Variants in ENOX2 observed in about 807,000 individuals in gnomAD.
ENOX2 encodes APK1 antigen.
Under a neutral mutation model 45.0 loss-of-function variants are expected in ENOX2, and 36 were observed. The observed-to-expected ratio is 0.80, with a 90% CI of 0.61 to 1.06. The LOEUF is 1.06. Ranked by LOEUF, ENOX2 falls within the 50% of genes least tolerant of loss-of-function variation. The probability of loss-of-function intolerance (pLI) is 0.00; values close to 1 mark genes in which losing one functional copy is unlikely to be tolerated. For missense variants in ENOX2, 423 were observed against 462.5 expected, an observed-to-expected ratio of 0.91 and a Z score of 0.78; for synonymous variants, 174 against 152.3, an observed-to-expected ratio of 1.14 and a Z score of -1.05.
chrX:130,848,221 A>C (rs1297071173), intron 2 of ENOX2, among the ~76,000 whole-genome samples: 1 of 111,551 alleles, frequency 9.0e-6, no homozygotes, highest in Non-Finnish European at 1.9e-5. Flanking sequence ...TCATTAAATA[A>C]AGATGAACAC....
chrX:130,810,442 C>T (rs1212587469), intron 2 of ENOX2, among the ~76,000 whole-genome samples: 2 of 111,606 alleles, frequency 1.8e-5, no homozygotes, highest in South Asian at 3.8e-4. Context: ...ACCAGGTCAG[C>T]CCCCACAGTC....
intron 2 of ENOX2, among the ~76,000 whole-genome samples, chrX:130,863,840 A>T (rs2078447609): frequency 1.8e-5 from 2 of 112,018 alleles, no homozygotes; most frequent in East Asian, 2.8e-4. Context: ...TTCTGTCTTC[A>T]AATATGCACT....
At chrX:130,705,382 T>G (rs1202950385) in intron 3 of ENOX2, among the ~76,000 whole-genome samples, 2 of 111,779 alleles carry the variant, frequency 1.8e-5, no homozygotes, top group Admixed American at 9.5e-5. Flanking sequence ...GGGATAAGTG[T>G]TTGGGGGAAG....
chrX:130,741,886 T>C (rs1177709144), intron 3 of ENOX2, among the ~76,000 whole-genome samples: 1 of 112,054 alleles, frequency 8.9e-6, no homozygotes, highest in African/African-American at 3.2e-5. Flanking sequence ...AAAACTGCCC[T>C]GTTAACTCTG....
chrX:130,782,576 A>G (rs1020224262), intron 3 of ENOX2, among the ~76,000 whole-genome samples: 1 of 112,246 alleles, frequency 8.9e-6, no homozygotes, highest in African/African-American at 3.2e-5. Flanking sequence ...ATTTATAAGC[A>G]GAGATCTATG....
In ENOX2 at chrX:130,623,724, G is replaced by A. The variant is rs1455742778; in HGVS notation, c.*1590C>T. On this transcript the variant is annotated 3_prime_UTR_variant, in exon 15 of 15. Coordinates refer to ENST00000394363, the MANE Select transcript of ENOX2 (RefSeq NM_006375.4). The stretch of plus-strand genomic sequence containing the variant: ...TGAGCTTCCTGCTGGTGCCACAGCA[G>A]GGTGCTTCAGGGGGAAGCCAGTTTT... 1 of 111,340 alleles carries A rather than the reference G, an allele frequency of 9.0e-6. No individual in the cohort carries two copies. Among genetic ancestry groups the A allele is most frequent in the African/African-American group, 3.3e-5 (1 of 30,592 alleles). The allele number at this position is 111,340 out of a possible 1,213,427, so 9.2% of individuals were successfully genotyped here.
chrX:130,806,972 C>T (rs1263548300), intron 2 of ENOX2, among the ~76,000 whole-genome samples: 1 of 112,015 alleles, frequency 8.9e-6, no homozygotes, highest in African/African-American at 3.2e-5. Flanking sequence ...TAGTACAGTG[C>T]CTAACACATA....
chrX:130,836,796 T>G (rs1243332143), intron 2 of ENOX2, among the ~76,000 whole-genome samples: 1 of 112,026 alleles, frequency 8.9e-6, no homozygotes, highest in African/African-American at 3.2e-5. Flanking sequence ...TATTTTATTT[T>G]ATAAAGGTAG....
At chrX:130,812,568 C>T (rs2077407868) in intron 2 of ENOX2, among the ~76,000 whole-genome samples, 1 of 111,671 alleles carries the variant, frequency 9.0e-6, no homozygotes, top group African/African-American at 3.3e-5. Context: ...AACGGATCTG[C>T]AAAACAACCA....
chrX:130,774,554 C>T (rs146606705), intron 3 of ENOX2, among the ~76,000 whole-genome samples: 10 of 111,932 alleles, frequency 8.9e-5, no homozygotes, highest in African/African-American at 3.2e-4. Context: ...GTAGGTGTTC[C>T]ATAGGTATTA....
At chrX:130,851,599 T>G (rs183262084) in intron 2 of ENOX2, among the ~76,000 whole-genome samples, 29 of 111,093 alleles carry the variant, frequency 2.6e-4, no homozygotes, top group African/African-American at 9.2e-4. Context: ...ATGAGAAACA[T>G]CTTATCCCTT....
At chrX:130,697,914 A>C (rs762603355) in intron 4 of ENOX2, among the ~76,000 whole-genome samples, 1 of 111,836 alleles carries the variant, frequency 8.9e-6, no homozygotes, top group East Asian at 2.8e-4. Flanking sequence ...AATAGTTTAA[A>C]ATGTTTCCAA....
At chrX:130,817,571 C>T (rs997455151) in intron 2 of ENOX2, among the ~76,000 whole-genome samples, 2 of 111,991 alleles carry the variant, frequency 1.8e-5, no homozygotes, top group African/African-American at 6.5e-5. Flanking sequence ...TTACCTACCA[C>T]GATCAAGTTG....
chrX:130,691,816 C>CTTGTTT (rs1466713972), intron 4 of ENOX2, among the ~76,000 whole-genome samples: 25 of 112,622 alleles, frequency 2.2e-4, no homozygotes, highest in Middle Eastern at 4.6e-3. Flanking sequence ...AGTTCTGCCA[C>CTTGTTT]TTTGGCTGAG....
At chrX:130,672,855 G>T (rs1260988044) in intron 6 of ENOX2, among the ~76,000 whole-genome samples, 1 of 111,752 alleles carries the variant, frequency 8.9e-6, no homozygotes, top group African/African-American at 3.3e-5. Context: ...CCTGTCAGGG[G>T]TGCTGCCTGT....
intron 3 of ENOX2, among the ~76,000 whole-genome samples, chrX:130,711,206 G>A (rs909455478): frequency 2.5e-4 from 28 of 111,845 alleles, no homozygotes; most frequent in Admixed American, 8.5e-4. Context: ...TATCTTTTGC[G>A]TAGTATTTAT....
intron 3 of ENOX2, among the ~76,000 whole-genome samples, 172 bp downstream of exon 3, chrX:130,783,375 T>C (rs1377393484): frequency 8.9e-6 from 1 of 111,809 alleles, no homozygotes; most frequent in Non-Finnish European, 1.9e-5. Context: ...TATTCGTGTA[T>C]GTGCTTTTCC....
intron 3 of ENOX2, among the ~76,000 whole-genome samples, chrX:130,748,900 G>A (rs1321663818): frequency 9.0e-6 from 1 of 111,629 alleles, no homozygotes; most frequent in African/African-American, 3.3e-5. Context: ...CACTGCTGCT[G>A]TCTTAGCAAA....
At chrX:130,737,448 G>A (rs1175359385) in intron 3 of ENOX2, among the ~76,000 whole-genome samples, 2 of 110,214 alleles carry the variant, frequency 1.8e-5, no homozygotes, top group Non-Finnish European at 1.9e-5. Context: ...TTGCATGCGC[G>A]TGCGCACGCA....
Sources: allele counts gnomAD v4.1 joint callset (sites outside exome capture counted in the v4.1 genomes callset), GRCh38; gene constraint gnomAD v4.1.1; transcripts MANE v1.5; gene names NCBI Gene and HGNC (gene_info 2026-07-23, HGNC 2026-07-21).